The following CDC42SE2 variants were observed in gnomAD, a reference collection of about 807,000 sequenced individuals.
CDC42SE2 encodes the protein CDC42 small effector 2.
Under a neutral mutation model 11.5 loss-of-function variants are expected in CDC42SE2, and 3 were observed. The ratio of observed to expected loss-of-function variants is 0.26; its 90% CI spans 0.12 to 0.67. The LOEUF (loss-of-function observed/expected upper bound fraction) is 0.67. CDC42SE2 is among the 30% of genes least tolerant of loss of function. The probability of loss-of-function intolerance (pLI) is 0.80; values close to 1 mark genes in which losing one functional copy is unlikely to be tolerated. For missense variants in CDC42SE2, 82 were observed against 106.8 expected, an observed-to-expected ratio of 0.77 and a Z score of 1.02; for synonymous variants, 33 against 34.8, an observed-to-expected ratio of 0.95 and a Z score of 0.18.
intron 2 of CDC42SE2, among the ~76,000 whole-genome samples, chr5:131,331,218 G>A (rs1758413527): frequency 6.6e-6 from 1 of 151,932 alleles, no homozygotes; most frequent in Non-Finnish European, 1.5e-5. Context: ...TCAAATTCAC[G>A]GAAATTCTAC....
chr5:131,291,722 C>T (rs537634994), intron 1 of CDC42SE2, among the ~76,000 whole-genome samples: 13 of 152,122 alleles, frequency 8.5e-5, no homozygotes, highest in African/African-American at 2.9e-4. Context: ...TTTATATTAC[C>T]TTTTCCCTCT....
chr5:131,390,565 C>T (rs1750619791), intron 4 of CDC42SE2, among the ~76,000 whole-genome samples: 1 of 151,948 alleles, frequency 6.6e-6, no homozygotes, highest in Non-Finnish European at 1.5e-5. Context: ...ATCCCAGCTA[C>T]TAGGGAGGCT....
the CDC42SE2 span, among the ~76,000 whole-genome samples, chr5:131,236,279 C>G: frequency 2.0e-5 from 3 of 152,054 alleles, no homozygotes; most frequent in Non-Finnish European, 4.4e-5. Context: ...TTTAGAAGGG[C>G]CTTCATCACT....
intron 1 of CDC42SE2, 147 bp downstream of exon 1, chr5:131,264,313 T>C (rs1408197157): frequency 6.6e-6 from 1 of 152,348 alleles, no homozygotes; most frequent in East Asian, 1.9e-4. Flanking sequence ...CGCTGCGGGC[T>C]GTGGGCTGAG....
chr5:131,353,306 C>T (rs1046274798), intron 2 of CDC42SE2, among the ~76,000 whole-genome samples: 3 of 149,068 alleles, frequency 2.0e-5, no homozygotes, highest in Non-Finnish European at 4.4e-5. Flanking sequence ...TTTGGAGACA[C>T]GGTCTTGTTC....
At chr5:131,302,860 CCAG>C (rs1757712118) in intron 1 of CDC42SE2, among the ~76,000 whole-genome samples, 1 of 150,818 alleles carries the variant, frequency 6.6e-6, no homozygotes, top group Non-Finnish European at 1.5e-5. Flanking sequence ...TTCTGAAATT[CCAG>C]CAATTAGAAA....
intron 1 of CDC42SE2, among the ~76,000 whole-genome samples, chr5:131,304,582 C>G (rs943823260): frequency 2.0e-5 from 3 of 152,060 alleles, no homozygotes; most frequent in Non-Finnish European, 4.4e-5. Context: ...TAATTTCTAC[C>G]AAATTTAATG....
chr5:131,308,630 GT>G (rs1273077449), intron 1 of CDC42SE2, among the ~76,000 whole-genome samples: 1 of 150,506 alleles, frequency 6.6e-6, no homozygotes, highest in Non-Finnish European at 1.5e-5. Flanking sequence ...TTGAGCAGTG[GT>G]TTGTAGTTCT....
the CDC42SE2 span, among the ~76,000 whole-genome samples, chr5:131,218,229 A>G: frequency 6.6e-6 from 1 of 151,938 alleles, no homozygotes; most frequent in East Asian, 1.9e-4. Context: ...AAAAATGAGC[A>G]TAAGACTTGA....
intron 4 of CDC42SE2, among the ~76,000 whole-genome samples, chr5:131,389,113 G>A (rs543731873): frequency 2.0e-5 from 3 of 152,294 alleles, no homozygotes; most frequent in African/African-American, 7.2e-5. Flanking sequence ...TGGGATTACA[G>A]CTGTGAGCCA....
chr5:131,344,034 G>A (rs1245663373), intron 2 of CDC42SE2, among the ~76,000 whole-genome samples: 1 of 152,136 alleles, frequency 6.6e-6, no homozygotes, highest in East Asian at 1.9e-4. Context: ...GTTAGAAAAA[G>A]CCTGAGTAGG....
intron 3 of CDC42SE2, among the ~76,000 whole-genome samples, chr5:131,367,120 A>G (rs572834257): frequency 2.0e-5 from 3 of 151,720 alleles, no homozygotes; most frequent in East Asian, 1.9e-4. Flanking sequence ...GTGTGTGTGT[A>G]TATCATATAC....
At chr5:131,361,073 GTT>G (rs575227658) in intron 3 of CDC42SE2, among the ~76,000 whole-genome samples, 1 of 126,020 alleles carries the variant, frequency 7.9e-6, no homozygotes, top group African/African-American at 2.8e-5. Flanking sequence ...TTGTTTGTTT[GTT>G]TTTTTTTTTG....
In CDC42SE2 at chr5:131,393,852, A is replaced by G. The variant is rs1442591510; in HGVS notation, c.*2761A>G. 9.2e-6 allele frequency: 1 copy of G among 108,494 alleles called. No homozygotes were observed. The highest frequency in any genetic ancestry group is 1.7e-5 in the Non-Finnish European group (1 of 59,246). The allele number at this position is 108,494 out of a possible 1,614,324, so 6.7% of individuals were successfully genotyped here. On this transcript the variant is annotated 3_prime_UTR_variant, in exon 5 of 5. Coordinates refer to ENST00000505065, the MANE Select transcript of CDC42SE2 (RefSeq NM_001375635.1). ...TTTTTTTTTTTTTTTTTGCTGCTCC[A>G]ACGACCAGCATGTGTTGGAGCAGAT...
At chr5:131,213,214 A>T in the CDC42SE2 span, among the ~76,000 whole-genome samples, 2 of 152,046 alleles carry the variant, frequency 1.3e-5, no homozygotes, top group Non-Finnish European at 2.9e-5. Context: ...TAATAATAAT[A>T]ATCCATTAGT....
intron 3 of CDC42SE2, among the ~76,000 whole-genome samples, chr5:131,367,980 A>G (rs1213316454): frequency 6.6e-6 from 1 of 152,072 alleles, no homozygotes; most frequent in Non-Finnish European, 1.5e-5. Context: ...CTGGACAGGC[A>G]CGGTGGCTCA....
intron 4 of CDC42SE2, among the ~76,000 whole-genome samples, chr5:131,386,712 A>G (rs920772076): frequency 2.0e-5 from 3 of 152,246 alleles, no homozygotes; most frequent in Non-Finnish European, 2.9e-5. Flanking sequence ...TTTGCCTTAA[A>G]GCAGGCCACT....
chr5:131,326,191 G>T (rs1235435850), intron 2 of CDC42SE2, among the ~76,000 whole-genome samples: 1 of 150,252 alleles, frequency 6.7e-6, no homozygotes, highest in Non-Finnish European at 1.5e-5. Flanking sequence ...TGCAAGCTCT[G>T]CCTCCCGGGT....
At chr5:131,379,445 T>C (rs1199240488) in intron 3 of CDC42SE2, among the ~76,000 whole-genome samples, 1 of 152,218 alleles carries the variant, frequency 6.6e-6, no homozygotes, top group Non-Finnish European at 1.5e-5. Context: ...AGTTGATCCA[T>C]ATGCCAGAAA....
Sources: gnomAD v4.1 joint callset for allele counts (sites outside exome capture counted in the v4.1 genomes callset) on GRCh38, gnomAD v4.1.1 for gene constraint, MANE v1.5 for transcripts, NCBI Gene and HGNC (gene_info 2026-07-23, HGNC 2026-07-21) for gene names.